The following PHIP variants were observed in gnomAD, a reference collection of about 807,000 sequenced individuals.
PHIP encodes PHIP subunit of CUL4-Ring ligase complex.
Under a neutral mutation model 236.8 loss-of-function variants are expected in PHIP, and 54 were observed. The ratio of observed to expected loss-of-function variants is 0.23; its 90% CI spans 0.18 to 0.29. PHIP has a LOEUF of 0.29. Among genes scored for constraint, PHIP ranks in the 10% least tolerant of loss-of-function variants. The probability of loss-of-function intolerance (pLI) is 1.00; values close to 1 mark genes in which losing one functional copy is unlikely to be tolerated. For missense variants in PHIP, 1,370 were observed against 2,190.8 expected, an observed-to-expected ratio of 0.63 and a Z score of 7.48; for synonymous variants, 756 against 718.9, an observed-to-expected ratio of 1.05 and a Z score of -0.83.
intron 15 of PHIP, among the ~76,000 whole-genome samples, chr6:79,005,218 T>C (rs1167575231): frequency 1.3e-5 from 2 of 151,924 alleles, no homozygotes; most frequent in African/African-American, 2.4e-5. Context: ...CAGGATTATA[T>C]CTCGAGTGTG....
At chr6:78,992,043 G>T (rs949472555) in intron 19 of PHIP, among the ~76,000 whole-genome samples, 4 of 150,496 alleles carry the variant, frequency 2.7e-5, no homozygotes, top group African/African-American at 9.8e-5. Flanking sequence ...CTCACTGCAG[G>T]CTCTGCCCCC....
chr6:79,028,601 C>T (rs1192629716), intron 7 of PHIP, among the ~76,000 whole-genome samples: 4 of 152,210 alleles, frequency 2.6e-5, no homozygotes, highest in Admixed American at 2.6e-4. Flanking sequence ...TTAGGGCATT[C>T]ATTCAAATTA....
At chr6:78,969,963 T>C in intron 26 of PHIP, 46 bp from the exon 27 acceptor site, 1 of 1,572,712 alleles carries the variant, frequency 6.4e-7, no homozygotes, top group Non-Finnish European at 8.7e-7. Flanking sequence ...TACCTAAAAA[T>C]ACCTAAAAGA....
chr6:78,978,475 C>G, intron 24 of PHIP, 117 bp downstream of exon 24: 3 of 669,204 alleles, frequency 4.5e-6, no homozygotes, highest in Non-Finnish European at 7.2e-6. Context: ...ATACAAATAT[C>G]TAGAATGAGA....
intron 32 of PHIP, chr6:78,956,646 C>A (rs978875620): frequency 2.6e-5 from 4 of 152,146 alleles, no homozygotes; most frequent in South Asian, 4.1e-4. Flanking sequence ...TTTATATTAC[C>A]CTTAATTAAA....
chr6:79,004,861 T>C (rs1020213726), intron 15 of PHIP, among the ~76,000 whole-genome samples: 22 of 152,050 alleles, frequency 1.4e-4, no homozygotes, highest in African/African-American at 4.3e-4. Flanking sequence ...GTTCACCAAA[T>C]GCAGAAGTTA....
At chr6:78,961,387 C>T (rs1002744973) in intron 31 of PHIP, among the ~76,000 whole-genome samples, 1 of 151,492 alleles carries the variant, frequency 6.6e-6, no homozygotes, top group African/African-American at 2.4e-5. Context: ...TTATAAAATA[C>T]AATATAAAGA....
At chr6:79,066,292 G>A (rs1175594168) in intron 4 of PHIP, among the ~76,000 whole-genome samples, 1 of 152,124 alleles carries the variant, frequency 6.6e-6, no homozygotes, top group Admixed American at 6.5e-5. Flanking sequence ...CACACTGAAT[G>A]CCAGGCCCTA....
chr6:78,940,446 CCTAT>C lies in PHIP; in HGVS notation c.*243_*246del, dbSNP rs1362822241. Reference sequence around the variant, plus strand: ...ATGAAATGAATGTGAAAATGCATAACCTATCTAAGGGCAATAAATAGCAAACATT... The same window carrying C: ...ATGAAATGAATGTGAAAATGCATAACCTAAGGGCAATAAATAGCAAACATT... On this transcript the variant is annotated 3_prime_UTR_variant, in exon 40 of 40. Transcript: ENST00000275034. 10 of 156,276 alleles carry C rather than the reference CCTAT, an allele frequency of 6.4e-5. No homozygotes were observed. Among genetic ancestry groups the C allele is most frequent in the Admixed American group, 1.3e-4 (2 of 14,922 alleles). 9.7% of individuals were successfully genotyped at this position (156,276 alleles called of 1,614,324 possible).
At chr6:79,007,090 G>A (rs1770327696) in intron 15 of PHIP, among the ~76,000 whole-genome samples, 1 of 151,956 alleles carries the variant, frequency 6.6e-6, no homozygotes, top group African/African-American at 2.4e-5. Flanking sequence ...ACCAATAAAT[G>A]AGTAGTATAA....
intron 6 of PHIP, among the ~76,000 whole-genome samples, chr6:79,056,828 T>C (rs1034050287): frequency 6.6e-6 from 1 of 152,114 alleles, no homozygotes; most frequent in Non-Finnish European, 1.5e-5. Context: ...TTCTTGCTTA[T>C]CCGCAACTCC....
intron 4 of PHIP, among the ~76,000 whole-genome samples, chr6:79,062,854 C>T (rs1051070538): frequency 3.3e-5 from 5 of 152,134 alleles, no homozygotes; most frequent in African/African-American, 1.2e-4. Context: ...ACCTCTACAC[C>T]TCATTCTCCT....
intron 7 of PHIP, among the ~76,000 whole-genome samples, chr6:79,042,386 T>A (rs1277899130): frequency 4.6e-5 from 7 of 152,042 alleles, no homozygotes; most frequent in Non-Finnish European, 7.4e-5. Flanking sequence ...TTAGCTTTTT[T>A]AAAATCACTA....
chr6:78,957,971 A>G (rs1766538371), intron 32 of PHIP: 1 of 152,230 alleles, frequency 6.6e-6, no homozygotes. Context: ...TGACAGGGGC[A>G]ATATACTGTT....
intron 15 of PHIP, among the ~76,000 whole-genome samples, chr6:79,008,029 T>C (rs1770381569): frequency 6.7e-6 from 1 of 148,954 alleles, no homozygotes; most frequent in Non-Finnish European, 1.5e-5. Context: ...GGCGCTCGCA[T>C]GTAGTCCCAG....
intron 7 of PHIP, among the ~76,000 whole-genome samples, chr6:79,038,497 T>C (rs1772054726): frequency 6.6e-6 from 1 of 152,212 alleles, no homozygotes; most frequent in Admixed American, 6.5e-5. Flanking sequence ...ATAGCAGTCA[T>C]CAATTACCTT....
intron 15 of PHIP, among the ~76,000 whole-genome samples, chr6:79,010,153 C>A (rs1770501984): frequency 1.3e-5 from 2 of 151,584 alleles, no homozygotes; most frequent in Non-Finnish European, 3.0e-5. Flanking sequence ...AGAGACTCTT[C>A]TCCTGATTAA....
Position 78,978,823 on chromosome 6 carries a change from T to C in PHIP, c.2770-112A>G, listed in dbSNP as rs140923814. 2.5e-3 allele frequency: 2,085 copies of C among 831,940 alleles called. 37 individuals carry two copies. In the African/African-American group the frequency reaches 0.032, roughly 13 times the overall value. The allele number at this position is 831,940 out of a possible 1,614,324, so 51.5% of individuals were successfully genotyped here. ...ATTAAATAAAAGGGGAAGGGCACCA[T>C]TGTACAATATTATATACAGTTGGCC... On this transcript the variant is annotated intron_variant, in intron 23 of 39. Transcript: ENST00000275034.
rs1773800809 is a variant in PHIP at position 78,946,138 on chromosome 6, G to A, written c.4493C>T (p.Thr1498Ile). 1 of 1,614,108 alleles carries A rather than the reference G, an allele frequency of 6.2e-7. No individual in the cohort carries two copies. Among genetic ancestry groups the A allele is most frequent in the Non-Finnish European group, 8.5e-7 (1 of 1,179,966 alleles). Reference sequence around the variant, plus strand: ...GGTTCGAACCACAGAACTAGATTCTGTTTTACCGTTTATCTGAGCAGCATT... The same window carrying A: ...GGTTCGAACCACAGAACTAGATTCTATTTTACCGTTTATCTGAGCAGCATT... ...RHNAAQINGK[T>I]ESSSVVRTRS... The change falls in exon 38 of 40, where the codon ACA becomes ATA. Residue 1498 changes from threonine to isoleucine, a missense_variant. Physicochemically the swap from Thr to Ile is moderately conservative, Grantham distance 89 (BLOSUM62 -1). This residue lies in a region of PHIP where 309 missense variants were observed against 328.3 expected (regional missense o/e 0.94). Transcript: ENST00000275034.
Sources: gnomAD v4.1 joint callset for allele counts (sites outside exome capture counted in the v4.1 genomes callset) on GRCh38, gnomAD v4.1.1 for gene constraint, gnomAD v4.1.1 regional missense constraint, MANE v1.5 for transcripts, NCBI Gene and HGNC (gene_info 2026-07-23, HGNC 2026-07-21) for gene names.